PCDHA5: variants seen among roughly 807,000 people sequenced by gnomAD.
The protein encoded by PCDHA5 is protocadherin alpha-5.
PCDHA5 carries 43 observed loss-of-function variants against 61.6 expected under a neutral mutation model. The observed-to-expected ratio is 0.70, with a 90% CI of 0.55 to 0.90. PCDHA5 has a LOEUF of 0.90. Among genes scored for constraint, PCDHA5 ranks in the 40% least tolerant of loss-of-function variants. The pLI is 0.00. For missense variants in PCDHA5, 1,298 were observed against 1,222.7 expected (o/e 1.06, Z -0.92); for synonymous variants, 627 against 543.9 (o/e 1.15, Z -2.13).
chr5:140,975,630 G>A (rs182087841), intron 1 of PCDHA5, among the ~76,000 whole-genome samples: 16 of 152,316 alleles, frequency 1.1e-4, no homozygotes, highest in Admixed American at 3.3e-4. Flanking sequence ...TCCATGGTAC[G>A]AAGATAGCAT....
intron 1 of PCDHA5, among the ~76,000 whole-genome samples, chr5:140,945,198 C>T (rs1563212846): frequency 6.6e-6 from 1 of 151,982 alleles, no homozygotes; most frequent in Non-Finnish European, 1.5e-5. Flanking sequence ...ATGCTATTTA[C>T]AATAGCTATG....
In PCDHA5 at chr5:140,896,536, C is replaced by CTTT. The variant is rs34213614; in HGVS notation, c.2352+72419_2352+72421dup. 9.4e-4 allele frequency among the ~76,000 whole-genome samples: 137 copies of CTTT among 145,660 alleles called. 1 individual carries two copies. Among genetic ancestry groups the CTTT allele is most frequent in the East Asian group, 2.8e-3 (14 of 5,008 alleles). On this transcript the variant is annotated intron_variant, in intron 1 of 3. Coordinates refer to ENST00000529859, the MANE Select transcript of PCDHA5 (RefSeq NM_018908.3). ...CACACCACAAAGCCCAGCTATTTTT[C>CTTT]TTTTTTTTTTTTGTATTTTAAGTAG... is the stretch of plus-strand genomic sequence containing the variant.
chr5:140,958,349 G>T lies in PCDHA5; in HGVS notation c.2353-20600G>T, dbSNP rs142186821. Among the ~76,000 whole-genome samples the T allele has an allele frequency of 7.9e-3, 1,199 of 152,218 alleles. 6 individuals carry two copies. The highest frequency in any genetic ancestry group is 0.012 in the Non-Finnish European group (790 of 67,966). On this transcript the variant is annotated intron_variant, in intron 1 of 3. Coordinates refer to ENST00000529859, the MANE Select transcript of PCDHA5 (RefSeq NM_018908.3). ...ATAAATAAATCACAGGAAGTTCACAGTCTGACTTTATCAGGAATGTTGCTA... is the reference window on the plus strand; with the variant it reads ...ATAAATAAATCACAGGAAGTTCACATTCTGACTTTATCAGGAATGTTGCTA...
intron 1 of PCDHA5, chr5:140,841,651 G>A (rs2150320143): frequency 2.0e-5 from 32 of 1,614,034 alleles, no homozygotes; most frequent in Middle Eastern, 1.6e-4. Flanking sequence ...AGGTGATCGT[G>A]GACAGGCCGC....
At chr5:140,869,878 A>G in intron 1 of PCDHA5, 1 of 1,610,122 alleles carries the variant, frequency 6.2e-7, no homozygotes, top group Non-Finnish European at 8.5e-7. Flanking sequence ...TGCTAAAGAA[A>G]CTCTTGTGCT....
chr5:140,905,011 T>A (rs551000720), intron 1 of PCDHA5, among the ~76,000 whole-genome samples: 44 of 152,296 alleles, frequency 2.9e-4, no homozygotes, highest in African/African-American at 1.0e-3. Context: ...CTTTGCTAAT[T>A]CTTTTCTATG....
At chr5:140,914,646 C>A (rs2076792238) in intron 1 of PCDHA5, among the ~76,000 whole-genome samples, 1 of 152,018 alleles carries the variant, frequency 6.6e-6, no homozygotes, top group Admixed American at 6.5e-5. Context: ...ATGGTCATCT[C>A]TCCCTTCTTT....
chr5:140,997,559 T>A (rs550494855), intron 3 of PCDHA5, among the ~76,000 whole-genome samples: 2 of 152,148 alleles, frequency 1.3e-5, no homozygotes, highest in South Asian at 4.1e-4. Flanking sequence ...ACAGGACAAC[T>A]GTCATATGTG....
At chr5:140,870,368 T>A in intron 1 of PCDHA5, 1 of 1,614,094 alleles carries the variant, frequency 6.2e-7, no homozygotes, top group Admixed American at 1.7e-5. Context: ...GCCTATGAAC[T>A]GGTGGTGACT....
chr5:140,836,517 G>T (rs782570045), intron 1 of PCDHA5: 2 of 1,613,750 alleles, frequency 1.2e-6, no homozygotes, highest in African/African-American at 1.3e-5. Context: ...CAGTCTGTTG[G>T]TGCTTACCCT....
intron 1 of PCDHA5, among the ~76,000 whole-genome samples, chr5:140,898,794 T>G (rs1487494121): frequency 1.3e-5 from 2 of 152,236 alleles, no homozygotes; most frequent in East Asian, 3.8e-4. Flanking sequence ...ATGGCCATTT[T>G]CACGATACTG....
intron 1 of PCDHA5, chr5:140,852,540 T>C (rs2042365711): frequency 9.3e-6 from 5 of 536,720 alleles, no homozygotes; most frequent in Non-Finnish European, 1.2e-5. Flanking sequence ...CCTCCCAAAG[T>C]GCTGGGATTA....
chr5:140,966,864 T>A, intron 1 of PCDHA5: 1 of 1,564,920 alleles, frequency 6.4e-7, no homozygotes. Flanking sequence ...CTGCTGTTGC[T>A]GCTGCTGCTA....
intron 1 of PCDHA5, among the ~76,000 whole-genome samples, chr5:140,950,960 A>G (rs2094536305): frequency 6.6e-6 from 1 of 151,564 alleles, no homozygotes. Flanking sequence ...CTATTGATCT[A>G]TTTTCAGATT....
chr5:141,001,518 C>G (rs573560944), intron 3 of PCDHA5, among the ~76,000 whole-genome samples: 2 of 152,272 alleles, frequency 1.3e-5, no homozygotes, highest in East Asian at 1.9e-4. Context: ...AGCTTTCTCC[C>G]TCTCTCTCTG....
chr5:140,881,837 A>G (rs1554172601), intron 1 of PCDHA5, among the ~76,000 whole-genome samples: 1 of 152,238 alleles, frequency 6.6e-6, no homozygotes, highest in Admixed American at 6.5e-5. Flanking sequence ...TTCTGCATGG[A>G]ATTCTTACAC....
Position 140,929,060 on chromosome 5 carries a change from A to G in PCDHA5, c.2353-49889A>G, listed in dbSNP as rs782222884. 3 of 1,614,188 alleles carry G rather than the reference A, an allele frequency of 1.9e-6. No individual in the cohort carries two copies. In the South Asian group the frequency reaches 3.3e-5, roughly 18 times the overall value. On this transcript the variant is annotated intron_variant, in intron 1 of 3. Transcript: ENST00000529859. ...GCTCAGAGCTGCTGTCGCTCTACAGAGGATCTGAGGTATGGAAGTAAGATG... is the reference window on the plus strand; with the variant it reads ...GCTCAGAGCTGCTGTCGCTCTACAGGGGATCTGAGGTATGGAAGTAAGATG...
At chr5:140,930,962 T>A (rs1193722929) in intron 1 of PCDHA5, among the ~76,000 whole-genome samples, 2 of 152,184 alleles carry the variant, frequency 1.3e-5, no homozygotes, top group African/African-American at 4.8e-5. Flanking sequence ...AAATGTACTG[T>A]TTCAATGATT....
intron 1 of PCDHA5, chr5:140,829,623 A>T: frequency 6.2e-7 from 1 of 1,612,184 alleles, no homozygotes; most frequent in Non-Finnish European, 8.5e-7. Flanking sequence ...ATTTCGGTGC[A>T]CGCGGAGAGC....
Sources: gnomAD v4.1 joint callset for allele counts (sites outside exome capture counted in the v4.1 genomes callset) on GRCh38, gnomAD v4.1.1 for gene constraint, MANE v1.5 for transcripts, NCBI Gene and HGNC (gene_info 2026-07-23, HGNC 2026-07-21) for gene names.